Variants in RBFOX1 observed in about 807,000 individuals in gnomAD.
The protein encoded by RBFOX1 is RNA binding fox-1 homolog 1.
A neutral mutation model predicts 57.7 loss-of-function variants in RBFOX1; 8 were observed. The ratio of observed to expected loss-of-function variants is 0.14; its 90% CI spans 0.08 to 0.25. RBFOX1 has a LOEUF of 0.25. Among genes scored for constraint, RBFOX1 ranks in the 10% least tolerant of loss-of-function variants. RBFOX1 has a pLI of 1.00. For synonymous variants in RBFOX1, 326 were observed against 222.4 expected (o/e 1.47, Z -4.15); for missense variants, 611 against 548.5 (o/e 1.11, Z -1.14).
intron 2 of RBFOX1, among the ~76,000 whole-genome samples, chr16:6,425,425 G>A (rs998423860): frequency 3.3e-5 from 5 of 152,138 alleles, no homozygotes; most frequent in African/African-American, 1.2e-4. Flanking sequence ...TGTTCAATTT[G>A]CCTTCTGCAC....
In RBFOX1 at chr16:6,986,184, T is replaced by TTA. The variant is rs1555719496; in HGVS notation, c.-15-65872_-15-65871insAT. Among the ~76,000 whole-genome samples the TTA allele has an allele frequency of 5.5e-3, 800 of 144,190 alleles. 5 individuals are homozygous for TTA. The highest frequency in any genetic ancestry group is 0.014 in the African/African-American group (535 of 38,078). 94.6% of individuals were successfully genotyped at this position (144,190 alleles called of 152,430 possible). A position where few individuals can be genotyped will look rare whatever the true frequency, so the allele number is the denominator to read the frequency against. On this transcript the variant is annotated intron_variant, in intron 3 of 15. Coordinates refer to ENST00000550418, the MANE Select transcript of RBFOX1 (RefSeq NM_018723.4). ...GTCTACCAGAATCACCAATTTCTAT[T>TTA]TTTATTTATTTATTTATTTATTTAT...
rs1507009 is a variant in RBFOX1, at chr16:7,598,872, A to G, written c.622+1441A>G. On this transcript the variant is annotated intron_variant, in intron 9 of 15. Coordinates refer to ENST00000550418, the MANE Select transcript of RBFOX1 (RefSeq NM_018723.4). ...CAGAACTAAATACTGATTGTTTATC[A>G]CAATAAAAGAAAACAATGATCTAGC... Among the ~76,000 whole-genome samples, 984 of 152,340 alleles carry G rather than the reference A, an allele frequency of 6.5e-3. 30 individuals are homozygous for G. Among genetic ancestry groups the G allele is most frequent in the Admixed American group, 0.056 (856 of 15,286 alleles).
intron 4 of RBFOX1, among the ~76,000 whole-genome samples, chr16:7,457,904 G>C (rs540774614): frequency 3.5e-4 from 53 of 152,158 alleles, no homozygotes; most frequent in Admixed American, 3.1e-3. Flanking sequence ...TCCAGTTAAC[G>C]TATATTCTCA....
At chr16:6,713,548 T>C (rs11077075) in intron 3 of RBFOX1, among the ~76,000 whole-genome samples, 8 of 152,016 alleles carry the variant, frequency 5.3e-5, no homozygotes, top group African/African-American at 1.9e-4. Context: ...CCCTCCCCAG[T>C]TGAGACAACC....
intron 3 of RBFOX1, among the ~76,000 whole-genome samples, chr16:5,698,405 A>G (rs541670766): frequency 1.3e-5 from 2 of 152,126 alleles, no homozygotes; most frequent in African/African-American, 2.4e-5. Flanking sequence ...CTTCTATTTT[A>G]TGGTTATTGG....
intron 11 of RBFOX1, among the ~76,000 whole-genome samples, chr16:7,641,484 C>A (rs1482953087): frequency 6.6e-6 from 1 of 152,318 alleles, no homozygotes; most frequent in African/African-American, 2.4e-5. Flanking sequence ...AAACACCACA[C>A]CACATGTTTT....
At chr16:7,257,216 C>A (rs975362687) in intron 4 of RBFOX1, among the ~76,000 whole-genome samples, 2 of 152,144 alleles carry the variant, frequency 1.3e-5, no homozygotes, top group Non-Finnish European at 2.9e-5. Flanking sequence ...TCTTCCCATC[C>A]CCGGGGTCAT....
At chr16:7,436,452 A>T (rs1446398335) in intron 4 of RBFOX1, among the ~76,000 whole-genome samples, 1 of 152,202 alleles carries the variant, frequency 6.6e-6, no homozygotes, top group Non-Finnish European at 1.5e-5. Context: ...TGTCCATCAG[A>T]TCACTGTCAA....
chr16:6,565,301 G>C (rs1451381802), intron 2 of RBFOX1, among the ~76,000 whole-genome samples: 2 of 150,490 alleles, frequency 1.3e-5, no homozygotes, highest in Admixed American at 6.6e-5. Flanking sequence ...CTGTTGCCCA[G>C]GCTGGAGCTC....
At chr16:6,002,179 G>A (rs1187243242) in intron 4 of RBFOX1, among the ~76,000 whole-genome samples, 1 of 152,072 alleles carries the variant, frequency 6.6e-6, no homozygotes, top group East Asian at 1.9e-4. Context: ...GTCTTGATAT[G>A]TTGCCCAGGC....
At chr16:6,713,550 G>C (rs1603451279) in intron 3 of RBFOX1, among the ~76,000 whole-genome samples, 1 of 151,930 alleles carries the variant, frequency 6.6e-6, no homozygotes, top group Non-Finnish European at 1.5e-5. Flanking sequence ...CTCCCCAGTT[G>C]AGACAACCAC....
chr16:7,623,470 C>G (rs2059614755), intron 10 of RBFOX1, among the ~76,000 whole-genome samples: 1 of 152,136 alleles, frequency 6.6e-6, no homozygotes, highest in African/African-American at 2.4e-5. Context: ...ATAAGGAACA[C>G]ACAACCAAGA....
chr16:6,682,776 G>T (rs542189058), intron 3 of RBFOX1, among the ~76,000 whole-genome samples: 1 of 150,942 alleles, frequency 6.6e-6, no homozygotes, highest in East Asian at 2.0e-4. Flanking sequence ...AATATTTCAG[G>T]GTGAAATTTT....
chr16:7,696,519 A>G (rs532076144), intron 14 of RBFOX1, among the ~76,000 whole-genome samples: 1 of 152,164 alleles, frequency 6.6e-6, no homozygotes, highest in Non-Finnish European at 1.5e-5. Flanking sequence ...TTGAAAAGCA[A>G]GTTACTTAAT....
intron 2 of RBFOX1, among the ~76,000 whole-genome samples, chr16:6,608,874 T>G (rs1451773689): frequency 6.6e-6 from 1 of 152,234 alleles, no homozygotes; most frequent in Non-Finnish European, 1.5e-5. Flanking sequence ...AGGGCTGTTT[T>G]TTTCTTGAGC....
At chr16:6,579,329 G>T (rs1016883765) in intron 2 of RBFOX1, among the ~76,000 whole-genome samples, 1 of 151,978 alleles carries the variant, frequency 6.6e-6, no homozygotes, top group African/African-American at 2.4e-5. Context: ...TCGGTCTCTT[G>T]AGTAGCTGGG....
At chr16:7,092,595 T>C (rs145243339) in intron 4 of RBFOX1, among the ~76,000 whole-genome samples, 1,590 of 152,320 alleles carry the variant, frequency 0.01, 16 homozygotes, top group Non-Finnish European at 0.016. Flanking sequence ...GTTCCTGGTA[T>C]GGTGTGAATG....
chr16:5,856,605 A>ATAT (rs57978858), intron 3 of RBFOX1, among the ~76,000 whole-genome samples: 22 of 73,944 alleles, frequency 3.0e-4, no homozygotes, highest in East Asian at 8.7e-4. Flanking sequence ...ATATATATAT[A>ATAT]ATCTTAGCCA....
At chr16:5,534,482 A>T (rs981334811) in intron 2 of RBFOX1, among the ~76,000 whole-genome samples, 18 of 152,144 alleles carry the variant, frequency 1.2e-4, no homozygotes, top group African/African-American at 4.3e-4. Context: ...GACCCCAGCA[A>T]ACCACTGGTG....
Sources: gnomAD v4.1 joint callset for allele counts (sites outside exome capture counted in the v4.1 genomes callset) on GRCh38, gnomAD v4.1.1 for gene constraint, MANE v1.5 for transcripts, NCBI Gene and HGNC (gene_info 2026-07-23, HGNC 2026-07-21) for gene names.